VPS13B: variants seen among roughly 807,000 people sequenced by gnomAD.
VPS13B encodes intermembrane lipid transfer protein VPS13B.
In VPS13B, 285 loss-of-function variants were observed where a neutral mutation model predicts 426.4. The observed-to-expected ratio is 0.67, with a 90% CI of 0.61 to 0.74. The LOEUF is 0.74. VPS13B is among the 30% of genes least tolerant of loss of function. VPS13B has a pLI of 0.00. For missense variants in VPS13B, 4,537 were observed against 4,782.6 expected (o/e 0.95, Z 1.51); for synonymous variants, 1,676 against 1,676.4 (o/e 1.00, Z 0.01).
chr8:99,572,402 C>G (rs1011100610), intron 31 of VPS13B, among the ~76,000 whole-genome samples: 1 of 152,094 alleles, frequency 6.6e-6, no homozygotes, highest in Non-Finnish European at 1.5e-5. Context: ...TGTTGGTTTG[C>G]TGCACCCATT....
chr8:99,369,297 T>A (rs1813052283), intron 19 of VPS13B, among the ~76,000 whole-genome samples: 1 of 152,220 alleles, frequency 6.6e-6, no homozygotes, highest in Non-Finnish European at 1.5e-5. Context: ...GGAAGAGGAT[T>A]GTTATGTTGA....
chr8:99,854,753 T>C (rs1227406481), intron 56 of VPS13B, among the ~76,000 whole-genome samples: 1 of 152,198 alleles, frequency 6.6e-6, no homozygotes, highest in Non-Finnish European at 1.5e-5. Flanking sequence ...TATTTATGAA[T>C]AGCGGTAGGT....
At chr8:99,269,148 C>T (rs961854349) in intron 17 of VPS13B, among the ~76,000 whole-genome samples, 4 of 152,052 alleles carry the variant, frequency 2.6e-5, no homozygotes, top group Non-Finnish European at 2.9e-5. Flanking sequence ...TACCCAGTCT[C>T]GAGTATTTCT....
In VPS13B at chr8:99,111,290, C is replaced by CTT; in HGVS notation, c.762+18_762+19dup. 6.3e-7 allele frequency: 1 copy of CTT among 1,588,608 alleles called. No homozygotes were observed. The highest frequency in any genetic ancestry group is 1.7e-5 in the Admixed American group (1 of 57,952). ...CCATCTGTTATTAAAGTAGGTATCT[C>CTT]TTTTTTTTGCAGTTAAGTTGCATGT... On this transcript the variant is annotated intron_variant, in intron 6 of 61. Transcript: ENST00000357162.
At chr8:99,640,283 G>A (rs1412014400) in intron 33 of VPS13B, among the ~76,000 whole-genome samples, 1 of 151,336 alleles carries the variant, frequency 6.6e-6, no homozygotes, top group Non-Finnish European at 1.5e-5. Flanking sequence ...TTTTGTTTTT[G>A]TTTTTGTTTT....
At chr8:99,614,967 A>G (rs531041110) in intron 33 of VPS13B, among the ~76,000 whole-genome samples, 2 of 151,976 alleles carry the variant, frequency 1.3e-5, no homozygotes, top group African/African-American at 2.4e-5. Flanking sequence ...AAAATACACA[A>G]TTAGCCAGGC....
At chr8:99,034,002 A>G (rs1327818605) in intron 2 of VPS13B, among the ~76,000 whole-genome samples, 1 of 152,190 alleles carries the variant, frequency 6.6e-6, no homozygotes, top group African/African-American at 2.4e-5. Context: ...TCTCCTTCAC[A>G]GATAGTTTGT....
chr8:99,743,866 A>G (rs955213719), intron 39 of VPS13B, among the ~76,000 whole-genome samples: 5 of 152,246 alleles, frequency 3.3e-5, no homozygotes, highest in African/African-American at 9.6e-5. Context: ...CTAAAACCAT[A>G]AAAACCCAGA....
intron 25 of VPS13B, among the ~76,000 whole-genome samples, chr8:99,498,267 A>T (rs1821038597): frequency 6.6e-6 from 1 of 152,170 alleles, no homozygotes; most frequent in African/African-American, 2.4e-5. Context: ...TTTGCATTCA[A>T]AAACAATCAT....
intron 25 of VPS13B, among the ~76,000 whole-genome samples, chr8:99,497,890 G>T (rs1237195355): frequency 6.6e-6 from 1 of 151,810 alleles, no homozygotes; most frequent in Non-Finnish European, 1.5e-5. Flanking sequence ...AAATGGTTTT[G>T]TTCTTAACAT....
intron 39 of VPS13B, among the ~76,000 whole-genome samples, chr8:99,759,170 T>C (rs191924755): frequency 6.6e-6 from 1 of 152,230 alleles, no homozygotes; most frequent in Admixed American, 6.5e-5. Context: ...CCTACGTTGA[T>C]CTCATATCTC....
chr8:99,519,279 G>A (rs1018542596), intron 29 of VPS13B, among the ~76,000 whole-genome samples: 10 of 152,214 alleles, frequency 6.6e-5, no homozygotes, highest in East Asian at 3.9e-4. Flanking sequence ...TTAGAATGGT[G>A]ATCATTAAAA....
At chr8:99,728,058 A>G (rs998361202) in intron 39 of VPS13B, among the ~76,000 whole-genome samples, 1 of 152,244 alleles carries the variant, frequency 6.6e-6, no homozygotes, top group Non-Finnish European at 1.5e-5. Flanking sequence ...TTGAGCCAAC[A>G]TCAGTATCCA....
At chr8:99,514,529 A>G (rs1327262857) in intron 29 of VPS13B, among the ~76,000 whole-genome samples, 1 of 152,322 alleles carries the variant, frequency 6.6e-6, no homozygotes, top group Non-Finnish European at 1.5e-5. Flanking sequence ...GTGGAATCAT[A>G]CAATGTTTAT....
intron 39 of VPS13B, among the ~76,000 whole-genome samples, chr8:99,740,250 A>C (rs903601889): frequency 6.6e-6 from 1 of 152,200 alleles, no homozygotes; most frequent in African/African-American, 2.4e-5. Context: ...GAATGAAATG[A>C]AGTGAGAAGA....
chr8:99,530,794 A>G (rs929720912), intron 30 of VPS13B, among the ~76,000 whole-genome samples: 1 of 152,138 alleles, frequency 6.6e-6, no homozygotes, highest in African/African-American at 2.4e-5. Flanking sequence ...GTATTTTAGA[A>G]ATAAAATATT....
intron 33 of VPS13B, among the ~76,000 whole-genome samples, chr8:99,612,662 A>G (rs1036961039): frequency 6.6e-6 from 1 of 152,194 alleles, no homozygotes; most frequent in Non-Finnish European, 1.5e-5. Flanking sequence ...TTCTCACAGA[A>G]ACCTGTGTAG....
At chr8:99,848,938 T>C in intron 55 of VPS13B, 44 bp downstream of exon 55, 9 of 1,546,942 alleles carry the variant, frequency 5.8e-6, no homozygotes, top group Non-Finnish European at 8.0e-6. Context: ...TAAGTGTTAC[T>C]GTTACAAAGT....
chr8:99,854,330 AT>A, intron 56 of VPS13B, 74 bp downstream of exon 56: 2 of 1,514,014 alleles, frequency 1.3e-6, no homozygotes, highest in African/African-American at 1.4e-5. Context: ...GTAGCACCTC[AT>A]TTCAAGACCT....
Sources: allele counts gnomAD v4.1 joint callset (sites outside exome capture counted in the v4.1 genomes callset), GRCh38; gene constraint gnomAD v4.1.1; transcripts MANE v1.5; gene names NCBI Gene and HGNC (gene_info 2026-07-23, HGNC 2026-07-21).